CCDC91: variants seen among roughly 807,000 people sequenced by gnomAD.
CCDC91 encodes coiled-coil domain containing 91, also known as coiled-coil domain-containing protein 91.
Under a neutral mutation model 63.2 loss-of-function variants are expected in CCDC91, and 48 were observed. That is an observed-to-expected ratio of 0.76 (90% CI 0.60 to 0.97). CCDC91 has a LOEUF of 0.97. Ranked by LOEUF, CCDC91 falls within the 50% of genes least tolerant of loss-of-function variation. The pLI is 0.00. For missense variants in CCDC91, 500 were observed against 494.6 expected (o/e 1.01, Z -0.10); for synonymous variants, 167 against 165.8 (o/e 1.01, Z -0.06).
intron 8 of CCDC91, among the ~76,000 whole-genome samples, chr12:28,410,065 C>T (rs1947222933): frequency 6.6e-6 from 1 of 152,018 alleles, no homozygotes; most frequent in South Asian, 2.1e-4. Flanking sequence ...CTTGTCAAGT[C>T]TTGTGTATTG....
intron 8 of CCDC91, among the ~76,000 whole-genome samples, chr12:28,399,537 A>G (rs1464006787): frequency 6.6e-6 from 1 of 152,182 alleles, no homozygotes; most frequent in African/African-American, 2.4e-5. Context: ...GCAAAGTCAT[A>G]ACTCATTCCA....
At chr12:28,379,283 A>G (rs1393691246) in intron 7 of CCDC91, among the ~76,000 whole-genome samples, 1 of 152,038 alleles carries the variant, frequency 6.6e-6, no homozygotes, top group East Asian at 1.9e-4. Context: ...AATGGCAACA[A>G]AACCAAAATT....
intron 1 of CCDC91, among the ~76,000 whole-genome samples, chr12:28,201,167 G>A (rs1007711069): frequency 2.0e-5 from 3 of 151,094 alleles, no homozygotes; most frequent in Non-Finnish European, 4.4e-5. Context: ...TGGCTGCTGG[G>A]CGGAGACGCT....
chr12:28,502,615 A>G (rs375229824), intron 12 of CCDC91, among the ~76,000 whole-genome samples: 24,265 of 142,336 alleles, frequency 0.17, 1,832 homozygotes, highest in Non-Finnish European at 0.26. Context: ...AAAAGAGCCC[A>G]CATTGCCAAG....
intron 6 of CCDC91, among the ~76,000 whole-genome samples, chr12:28,354,559 A>G (rs1380015202): frequency 6.6e-6 from 1 of 152,230 alleles, no homozygotes; most frequent in African/African-American, 2.4e-5. Context: ...ATATTTAAAT[A>G]TATGAAGGCA....
At chr12:28,265,559 A>G (rs1418070842) in intron 3 of CCDC91, among the ~76,000 whole-genome samples, 1 of 152,042 alleles carries the variant, frequency 6.6e-6, no homozygotes, top group Non-Finnish European at 1.5e-5. Context: ...TCCATTCTCC[A>G]TTCTGTCCAG....
chr12:28,277,246 C>T (rs1948297266), intron 3 of CCDC91, among the ~76,000 whole-genome samples: 1 of 151,916 alleles, frequency 6.6e-6, no homozygotes, highest in African/African-American at 2.4e-5. Flanking sequence ...ATGACATTGT[C>T]ACAAAGGGAA....
intron 1 of CCDC91, 38 bp from the exon 2 acceptor site, chr12:28,257,160 CTGTG>C: frequency 6.0e-6 from 7 of 1,165,992 alleles, no homozygotes; most frequent in Non-Finnish European, 9.0e-6. Flanking sequence ...ACATAAATGA[CTGTG>C]TGTGTGCGGG....
chr12:28,350,268 A>C (rs1435253128), intron 6 of CCDC91, among the ~76,000 whole-genome samples: 1 of 152,216 alleles, frequency 6.6e-6, no homozygotes, highest in Non-Finnish European at 1.5e-5. Context: ...TTTCTTTTAA[A>C]GATCTGGTAT....
intron 1 of CCDC91, among the ~76,000 whole-genome samples, chr12:28,208,559 T>C (rs1446440006): frequency 6.6e-6 from 1 of 152,214 alleles, no homozygotes; most frequent in Non-Finnish European, 1.5e-5. Flanking sequence ...AAGACCATTT[T>C]AAAGGTGAAA....
At chr12:28,337,062 C>G (rs965278856) in intron 6 of CCDC91, among the ~76,000 whole-genome samples, 1 of 152,192 alleles carries the variant, frequency 6.6e-6, no homozygotes, top group African/African-American at 2.4e-5. Context: ...GTTCAAGTTA[C>G]TAAGCGTTAG....
intron 1 of CCDC91, among the ~76,000 whole-genome samples, chr12:28,197,818 A>G (rs1278976249): frequency 6.6e-6 from 1 of 152,026 alleles, no homozygotes; most frequent in Non-Finnish European, 1.5e-5. Flanking sequence ...GTCTATTCTT[A>G]TTTTCTAAGT....
At chr12:28,517,819 A>G (rs1305735320) in intron 12 of CCDC91, among the ~76,000 whole-genome samples, 2 of 151,758 alleles carry the variant, frequency 1.3e-5, no homozygotes, top group Non-Finnish European at 2.9e-5. Context: ...CCGAAAGTCC[A>G]CTGTGTCATT....
At chr12:28,415,647 C>G (rs1947607341) in intron 8 of CCDC91, among the ~76,000 whole-genome samples, 1 of 135,556 alleles carries the variant, frequency 7.4e-6, no homozygotes, top group South Asian at 2.6e-4. Context: ...CTTTATTTAA[C>G]TAATAAAGAT....
At chr12:28,325,678 G>C (rs1298920362) in intron 6 of CCDC91, among the ~76,000 whole-genome samples, 5 of 151,810 alleles carry the variant, frequency 3.3e-5, no homozygotes, top group African/African-American at 1.2e-4. Context: ...GAGATTTTAG[G>C]CATAAGAAAC....
chr12:28,235,885 T>C (rs1287296934), intron 1 of CCDC91, among the ~76,000 whole-genome samples: 1 of 152,122 alleles, frequency 6.6e-6, no homozygotes, highest in Non-Finnish European at 1.5e-5. Flanking sequence ...TTAAATATAG[T>C]GTCTTATATC....
chr12:28,260,079 C>T (rs1946728665), intron 3 of CCDC91, among the ~76,000 whole-genome samples: 1 of 151,882 alleles, frequency 6.6e-6, no homozygotes, highest in Non-Finnish European at 1.5e-5. Context: ...TAATCAAGTG[C>T]TTATTATGCA....
chr12:28,202,695 G>A (rs1421330538), intron 1 of CCDC91, among the ~76,000 whole-genome samples: 2 of 152,216 alleles, frequency 1.3e-5, no homozygotes, highest in Non-Finnish European at 2.9e-5. Flanking sequence ...AGCTTAAAGT[G>A]TAGCAAGAAG....
chr12:28,261,984 T>C (rs187690050), intron 3 of CCDC91, among the ~76,000 whole-genome samples: 2 of 152,176 alleles, frequency 1.3e-5, no homozygotes, highest in Admixed American at 1.3e-4. Context: ...AAAGACATGG[T>C]GCATGTTTGC....
Sources: gnomAD v4.1 joint callset for allele counts (sites outside exome capture counted in the v4.1 genomes callset) on GRCh38, gnomAD v4.1.1 for gene constraint, MANE v1.5 for transcripts, NCBI Gene and HGNC (gene_info 2026-07-23, HGNC 2026-07-21) for gene names.